RRP1B: variants seen among roughly 807,000 people sequenced by gnomAD.
The protein encoded by RRP1B is ribosomal RNA processing protein 1 homolog B.
In RRP1B, 56 loss-of-function variants were observed where a neutral mutation model predicts 80.2. That is an observed-to-expected ratio of 0.70 (90% CI 0.56 to 0.87). The LOEUF is 0.87. Among genes scored for constraint, RRP1B ranks in the 40% least tolerant of loss-of-function variants. The pLI, the probability that RRP1B is intolerant of heterozygous loss-of-function variation, is 0.00. For synonymous variants in RRP1B, 351 were observed against 357.6 expected, an observed-to-expected ratio of 0.98 and a Z score of 0.21; for missense variants, 807 against 939.8, an observed-to-expected ratio of 0.86 and a Z score of 1.85.
In RRP1B at chr21:43,690,311, C is replaced by G; in HGVS notation, c.1890C>G (p.Ser630=). 1 of 1,614,212 alleles carries G rather than the reference C, an allele frequency of 6.2e-7. No individual in the cohort carries two copies. The highest frequency in any genetic ancestry group is 8.5e-7 in the Non-Finnish European group (1 of 1,180,026). The part of the protein sequence containing the change: ...QALGSSGTCS[S]LKKQKLRAES... The stretch of plus-strand genomic sequence containing the variant: ...AGGGAAGCAGTGGGACTTGCAGTTC[C>G]CTGAAGAAGCAGAAGCTGAGGGCAG... Residue 630 remains serine, a synonymous_variant, in exon 14 of 16, where the codon TCC becomes TCG. Coordinates refer to ENST00000340648, the MANE Select transcript of RRP1B (RefSeq NM_015056.3).
At chr21:43,674,504 T>C (rs1418843981) in intron 4 of RRP1B, 132 bp from the exon 5 acceptor site, 1 of 681,712 alleles carries the variant, frequency 1.5e-6, no homozygotes, top group Non-Finnish European at 2.5e-6. Context: ...GTTGTGAATA[T>C]TTTTTTACTT....
At chr21:43,680,281 C>T (rs1401061728) in intron 8 of RRP1B, among the ~76,000 whole-genome samples, 1 of 152,046 alleles carries the variant, frequency 6.6e-6, no homozygotes, top group Non-Finnish European at 1.5e-5. Context: ...CAGGGTCGGC[C>T]GGGCGCGGTG....
At chr21:43,678,495 G>A (rs1451436086) in intron 8 of RRP1B, among the ~76,000 whole-genome samples, 1 of 152,124 alleles carries the variant, frequency 6.6e-6, no homozygotes, top group Non-Finnish European at 1.5e-5. Flanking sequence ...TTAAATTATG[G>A]CCATTCTTGC....
rs144718632 is a variant in RRP1B at position 43,660,799 on chromosome 21, A to G, written c.130+1005A>G. Among the ~76,000 whole-genome samples the G allele has an allele frequency of 5.4e-3, 818 of 152,236 alleles. 4 individuals carry two copies. The highest frequency in any genetic ancestry group is 0.02 in the Middle Eastern group (6 of 294). ...TGGGGGGGCGAGTGTTATGAGATGA[A>G]GTTGGAGATGTAGGCAGTGGCCAGA... is the stretch of plus-strand genomic sequence containing the variant. On this transcript the variant is annotated intron_variant, in intron 1 of 15. Transcript: ENST00000340648.
chr21:43,691,895 C>T lies in RRP1B; in HGVS notation c.2083+393C>T, dbSNP rs966080570. ...CTCCTGACCTCAGGTGATCTGCCTG[C>T]CTCGGCCTCCCAAAGATCTGGGATT... On this transcript the variant is annotated intron_variant, in intron 15 of 15. Coordinates refer to ENST00000340648, the MANE Select transcript of RRP1B (RefSeq NM_015056.3). The surrounding 1 kb of genome is among the most constrained non-coding windows in gnomAD (Gnocchi z 4.2). 1.3e-5 allele frequency among the ~76,000 whole-genome samples: 2 copies of T among 152,106 alleles called. No individual in the cohort carries two copies. Among genetic ancestry groups the T allele is most frequent in the Non-Finnish European group, 2.9e-5 (2 of 68,028 alleles).
At chr21:43,685,859 C>T (rs1224296463) in intron 11 of RRP1B, 70 bp downstream of exon 11, 2 of 1,531,536 alleles carry the variant, frequency 1.3e-6, no homozygotes, top group Non-Finnish European at 1.8e-6. Flanking sequence ...GGCGTTGATG[C>T]CAAACGCTGA....
In RRP1B at chr21:43,674,688, G is replaced by A; in HGVS notation, c.410G>A (p.Trp137Ter). 1 of 1,607,786 alleles carries A rather than the reference G, an allele frequency of 6.2e-7. No homozygotes were observed. The highest frequency in any genetic ancestry group is 8.5e-7 in the Non-Finnish European group (1 of 1,178,330). Residue 137 changes from tryptophan to a stop codon, truncating the protein, a stop_gained, in exon 5 of 16, where the codon TGG becomes TAG. Transcript: ENST00000340648. LOFTEE classifies it high-confidence loss of function. ...TTTGAAGTCTTGAAGCGAAATGGCT[G>A]GGAAGAAAGGTCAGTAAACCATTTG... ...QSFEVLKRNG[W>*]EESRIKVFLD...
At chr21:43,680,403 C>CAAA (rs34344066) in intron 8 of RRP1B, among the ~76,000 whole-genome samples, 2 of 148,470 alleles carry the variant, frequency 1.3e-5, no homozygotes, top group Non-Finnish European at 3.0e-5. Flanking sequence ...ACTAAAAATA[C>CAAA]AAAAAAAAAA....
In RRP1B at chr21:43,690,441, G is replaced by T; in HGVS notation, c.2019+1G>T. ...CCACCCTCCAGGCCCTGCCGTCCAG[G>T]TACGCACCCTCCCCAGAGTGGCACA... On this transcript the variant is annotated splice_donor_variant, in intron 14 of 15. Coordinates refer to ENST00000340648, the MANE Select transcript of RRP1B (RefSeq NM_015056.3). LOFTEE classifies it high-confidence loss of function. 1 of 1,613,742 alleles carries T rather than the reference G, an allele frequency of 6.2e-7. No homozygotes were observed. Among genetic ancestry groups the T allele is most frequent in the Non-Finnish European group, 8.5e-7 (1 of 1,179,886 alleles).
At chr21:43,684,478 C>A in intron 9 of RRP1B, 75 bp from the exon 10 acceptor site, 3 of 1,266,222 alleles carry the variant, frequency 2.4e-6, no homozygotes, top group Non-Finnish European at 3.5e-6. Context: ...GTTTCTCTTA[C>A]TAGCAGATGT....
In RRP1B at chr21:43,687,946, G is replaced by T; in HGVS notation, c.1572G>T (p.Lys524Asn). 1 of 1,613,266 alleles carries T rather than the reference G, an allele frequency of 6.2e-7. No individual in the cohort carries two copies. Among genetic ancestry groups the T allele is most frequent in the Non-Finnish European group, 8.5e-7 (1 of 1,180,046 alleles). The stretch of plus-strand genomic sequence containing the variant: ...GTGGAGCCCAACTCCTAAAAAGGAA[G>T]CGGAAACTTGGAGTTGTGCCCGTCA... ...PTGGAQLLKR[K>N]RKLGVVPVNG... The change falls in exon 13 of 16, where the codon AAG becomes AAT. Residue 524 changes from lysine to asparagine, a missense_variant. Transcript: ENST00000340648.
rs1471711835 is a variant in RRP1B, at chr21:43,694,025, C to G, written c.*642C>G. 1.3e-5 allele frequency: 2 copies of G among 152,638 alleles called. No homozygotes were observed. The highest frequency in any genetic ancestry group is 2.9e-5 in the Non-Finnish European group (2 of 68,160). The allele number at this position is 152,638 out of a possible 1,614,324, so 9.5% of individuals were successfully genotyped here. A position where few individuals can be genotyped will look rare whatever the true frequency, so the allele number is the denominator to read the frequency against. On this transcript the variant is annotated 3_prime_UTR_variant, in exon 16 of 16. Transcript: ENST00000340648. ...CTGGGGGCTTTTTCTTCTCCTCCCC[C>G]TACCCGGTTTCCCTCCCTGTTTTCC...
chr21:43,693,385 G>A lies in RRP1B; in HGVS notation c.*2G>A. On this transcript the variant is annotated 3_prime_UTR_variant, in exon 16 of 16. Transcript: ENST00000340648. This position sits in a 1 kb window ranked among gnomAD's most constrained non-coding sequence, Gnocchi z 4.1. ...CCCAGGGCTATGGATTTCTTCTGAG[G>A]AGCAGCAGAGTCCCTTGTAAAAGAC... The A allele has an allele frequency of 6.4e-7, 1 of 1,557,738 alleles. No individual in the cohort carries two copies. The highest frequency in any genetic ancestry group is 2.3e-5 in the East Asian group (1 of 42,948).
chr21:43,689,585 T>G (rs1279335536), intron 13 of RRP1B, among the ~76,000 whole-genome samples: 1 of 152,210 alleles, frequency 6.6e-6, no homozygotes, highest in East Asian at 1.9e-4. Flanking sequence ...CCAGAGACAT[T>G]GCCTTTCTTG....
intron 8 of RRP1B, among the ~76,000 whole-genome samples, chr21:43,679,224 G>GTTTTTT (rs199811109): frequency 0.058 from 8,682 of 149,692 alleles, 847 homozygotes; most frequent in African/African-American, 0.2. Context: ...TTGTTTTTTT[G>GTTTTTT]TGTGTCTTTT....
chr21:43,662,536 A>C (rs1372632203), intron 1 of RRP1B, among the ~76,000 whole-genome samples: 1 of 152,252 alleles, frequency 6.6e-6, no homozygotes, highest in African/African-American at 2.4e-5. Flanking sequence ...GGCATCATAA[A>C]GGAAATGTGA....
chr21:43,665,703 T>C (rs2082975612), intron 1 of RRP1B, among the ~76,000 whole-genome samples: 1 of 152,032 alleles, frequency 6.6e-6, no homozygotes, highest in African/African-American at 2.4e-5. Context: ...CTAGTTCCTG[T>C]GGGATCTGAC....
chr21:43,689,713 G>A (rs1356316412), intron 13 of RRP1B, among the ~76,000 whole-genome samples: 2 of 152,246 alleles, frequency 1.3e-5, no homozygotes, highest in African/African-American at 4.8e-5. Context: ...AGGCGCACAG[G>A]AGAAGCTCCT....
chr21:43,672,600 A>T (rs1240046462), intron 3 of RRP1B, among the ~76,000 whole-genome samples: 1 of 152,188 alleles, frequency 6.6e-6, no homozygotes, highest in Non-Finnish European at 1.5e-5. Context: ...AGAATCTTCA[A>T]ATTCTGAGTT....
Sources: gnomAD v4.1 joint callset for allele counts (sites outside exome capture counted in the v4.1 genomes callset) on GRCh38, gnomAD v4.1.1 for gene constraint, Gnocchi (gnomAD v3.1) non-coding constraint, MANE v1.5 for transcripts, NCBI Gene and HGNC (gene_info 2026-07-23, HGNC 2026-07-21) for gene names.